NUFIP2: variants seen among roughly 807,000 people sequenced by gnomAD.
NUFIP2 encodes the protein FMR1-interacting protein NUFIP2.
NUFIP2 carries 6 observed loss-of-function variants against 56.9 expected under a neutral mutation model. That is an observed-to-expected ratio of 0.11 (90% CI 0.06 to 0.21). The LOEUF (loss-of-function observed/expected upper bound fraction) is 0.21. Ranked by LOEUF, NUFIP2 falls within the 10% of genes least tolerant of loss-of-function variation. NUFIP2 has a pLI of 1.00. For missense variants in NUFIP2, 828 were observed against 826.8 expected, an observed-to-expected ratio of 1.00 and a Z score of -0.02; for synonymous variants, 321 against 298.2, an observed-to-expected ratio of 1.08 and a Z score of -0.79.
At chr17:29,292,907 G>A (rs2069226534) in intron 1 of NUFIP2, among the ~76,000 whole-genome samples, 1 of 145,366 alleles carries the variant, frequency 6.9e-6, no homozygotes, top group Admixed American at 6.8e-5. Context: ...CGCGGTGCGG[G>A]GGGCGCCGGC....
At chr17:29,266,005 T>C (rs774837459) in intron 3 of NUFIP2, among the ~76,000 whole-genome samples, 23 of 152,150 alleles carry the variant, frequency 1.5e-4, no homozygotes, top group Non-Finnish European at 3.1e-4. Flanking sequence ...AGTTTCGTTC[T>C]TGTTGCCCAG....
intron 2 of NUFIP2, 73 bp downstream of exon 2, chr17:29,285,919 T>C: frequency 8.4e-7 from 1 of 1,188,650 alleles, no homozygotes; most frequent in Non-Finnish European, 1.2e-6. Context: ...CTAATTCTCT[T>C]AAAATTCTCT....
chr17:29,285,455 G>T (rs2153012407), intron 2 of NUFIP2, among the ~76,000 whole-genome samples: 1 of 152,164 alleles, frequency 6.6e-6, no homozygotes, highest in East Asian at 1.9e-4. Context: ...GCCGGGCATG[G>T]TGGTGCGTGC....
intron 1 of NUFIP2, among the ~76,000 whole-genome samples, chr17:29,289,737 A>G (rs1220408143): frequency 1.3e-5 from 2 of 152,220 alleles, no homozygotes; most frequent in Non-Finnish European, 2.9e-5. Flanking sequence ...GGAGAAGTCT[A>G]TTAGATTCAC....
chr17:29,292,558 C>CT (rs948630425), intron 1 of NUFIP2, among the ~76,000 whole-genome samples: 2 of 151,494 alleles, frequency 1.3e-5, no homozygotes, highest in African/African-American at 4.8e-5. Flanking sequence ...CGCTGGGTAC[C>CT]CCACCCGGCC....
In NUFIP2 at chr17:29,263,871, C is replaced by T. The variant is rs977725796; in HGVS notation, c.*668G>A. 2.0e-5 allele frequency: 3 copies of T among 152,526 alleles called. No homozygotes were observed. Among genetic ancestry groups the T allele is most frequent in the African/African-American group, 7.2e-5 (3 of 41,400 alleles). The allele number at this position is 152,526 out of a possible 1,614,324, so 9.4% of individuals were successfully genotyped here. Reference sequence around the variant, plus strand: ...AGAACTTCAATGCCCTCCCCTATCCCCGCCCCACAAAAAATAAATGGAAAG... The same window carrying T: ...AGAACTTCAATGCCCTCCCCTATCCTCGCCCCACAAAAAATAAATGGAAAG... On this transcript the variant is annotated 3_prime_UTR_variant, in exon 4 of 4. Coordinates refer to ENST00000225388, the MANE Select transcript of NUFIP2 (RefSeq NM_020772.3).
At chr17:29,293,686 C>T (rs2069232827) in intron 1 of NUFIP2, 97 bp downstream of exon 1, 4 of 1,335,396 alleles carry the variant, frequency 3.0e-6, no homozygotes, top group Non-Finnish European at 3.0e-6. Context: ...CACACACACA[C>T]CCCGACCCCG....
At chr17:29,293,666 AGG>A (rs1435547758) in intron 1 of NUFIP2, 115 bp downstream of exon 1, 51 of 1,096,308 alleles carry the variant, frequency 4.7e-5, no homozygotes, top group Non-Finnish European at 6.2e-5. Flanking sequence ...CCAGAGCCGG[AGG>A]GGACACACAC....
At chr17:29,269,910 C>T (rs1218942406) in intron 2 of NUFIP2, among the ~76,000 whole-genome samples, 5 of 152,028 alleles carry the variant, frequency 3.3e-5, no homozygotes, top group South Asian at 2.1e-4. Flanking sequence ...TTAGTAGAGA[C>T]GGGGTTTCAC....
chr17:29,288,602 C>T (rs1434148100), intron 1 of NUFIP2, among the ~76,000 whole-genome samples: 2 of 152,188 alleles, frequency 1.3e-5, no homozygotes, highest in African/African-American at 2.4e-5. Context: ...AAAATATCTA[C>T]GTACCAATGT....
intron 2 of NUFIP2, among the ~76,000 whole-genome samples, chr17:29,283,819 A>G (rs925267553): frequency 3.9e-5 from 6 of 152,244 alleles, no homozygotes; most frequent in Non-Finnish European, 8.8e-5. Flanking sequence ...ACATTGCTAA[A>G]AACAACCAAC....
Position 29,262,370 on chromosome 17 carries a change from CTTTTTT to C in NUFIP2, c.*2163_*2168del, listed in dbSNP as rs528420902. ...TTTCCCTTTAATCAACCTTATATGTCTTTTTTTTTAACTTTTTGAAAATTTTTATTT... is the reference window on the plus strand; with the variant it reads ...TTTCCCTTTAATCAACCTTATATGTCTTTAACTTTTTGAAAATTTTTATTT... On this transcript the variant is annotated 3_prime_UTR_variant, in exon 4 of 4. Transcript: ENST00000225388. 6.6e-6 allele frequency: 1 copy of C among 150,926 alleles called. No individual in the cohort carries two copies. The highest frequency in any genetic ancestry group is 6.6e-5 in the Admixed American group (1 of 15,070). The allele number at this position is 150,926 out of a possible 1,614,324, so 9.3% of individuals were successfully genotyped here. A position where few individuals can be genotyped will look rare whatever the true frequency, so the allele number is the denominator to read the frequency against.
chr17:29,275,814 G>A (rs372034538), intron 2 of NUFIP2, among the ~76,000 whole-genome samples: 22 of 151,994 alleles, frequency 1.4e-4, no homozygotes, highest in East Asian at 7.7e-4. Flanking sequence ...GATCACTTGC[G>A]GTCAGGAGTT....
intron 2 of NUFIP2, among the ~76,000 whole-genome samples, chr17:29,281,183 C>T (rs777957345): frequency 1.3e-5 from 2 of 150,978 alleles, no homozygotes; most frequent in Non-Finnish European, 3.0e-5. Flanking sequence ...CAGCCGGGCA[C>T]GGTGGCTCAT....
chr17:29,287,819 T>C (rs797960), intron 1 of NUFIP2, 103 bp from the exon 2 acceptor site: 30 of 1,096,188 alleles, frequency 2.7e-5, no homozygotes, highest in Middle Eastern at 3.1e-4. Flanking sequence ...GACACTATGC[T>C]ATGAGCTGTA....
intron 1 of NUFIP2, among the ~76,000 whole-genome samples, chr17:29,290,374 T>C (rs954100629): frequency 1.3e-5 from 2 of 151,556 alleles, no homozygotes; most frequent in African/African-American, 4.9e-5. Context: ...CTCAGAAAAA[T>C]CCCAGGCACA....
chr17:29,294,079 C>A lies in NUFIP2; in HGVS notation c.-20G>T. On this transcript the variant is annotated 5_prime_UTR_variant, in exon 1 of 4. In the 5' UTR this introduces an upstream ATG that the reference lacks. Coordinates refer to ENST00000225388, the MANE Select transcript of NUFIP2 (RefSeq NM_020772.3). ...CTCCATTGAAAGCGGCTGGGACTCC[C>A]TGGCTGAGGCTGCGGGCTGCTGCAC... is the stretch of plus-strand genomic sequence containing the variant. 1 of 1,576,494 alleles carries A rather than the reference C, an allele frequency of 6.3e-7. No individual in the cohort carries two copies. Among genetic ancestry groups the A allele is most frequent in the Non-Finnish European group, 8.6e-7 (1 of 1,158,964 alleles).
At chr17:29,276,818 A>G (rs1347262864) in intron 2 of NUFIP2, among the ~76,000 whole-genome samples, 17 of 152,186 alleles carry the variant, frequency 1.1e-4, no homozygotes, top group Non-Finnish European at 2.9e-5. Context: ...ATGTAACTGT[A>G]AACAGTATTA....
intron 2 of NUFIP2, among the ~76,000 whole-genome samples, chr17:29,283,707 G>A (rs529043907): frequency 1.5e-4 from 23 of 152,328 alleles, no homozygotes; most frequent in Admixed American, 5.2e-4. Flanking sequence ...CTAGAGGGCA[G>A]ACGGCACAGA....
Sources: allele counts gnomAD v4.1 joint callset (sites outside exome capture counted in the v4.1 genomes callset), GRCh38; gene constraint gnomAD v4.1.1; transcripts MANE v1.5; gene names NCBI Gene and HGNC (gene_info 2026-07-23, HGNC 2026-07-21).